Variants in MTOR observed in about 807,000 individuals in gnomAD.
MTOR encodes mechanistic target of rapamycin kinase, also known as serine/threonine-protein kinase mTOR.
Under a neutral mutation model 319.8 loss-of-function variants are expected in MTOR, and 70 were observed. The ratio of observed to expected loss-of-function variants is 0.22; its 90% CI spans 0.18 to 0.27. The LOEUF (loss-of-function observed/expected upper bound fraction) is 0.27. MTOR is among the 10% of genes least tolerant of loss of function. The probability of loss-of-function intolerance (pLI) is 1.00; values close to 1 mark genes in which losing one functional copy is unlikely to be tolerated. For missense variants in MTOR, 1,890 were observed against 3,274.4 expected (o/e 0.58, Z 10.32); for synonymous variants, 1,183 against 1,211.4 (o/e 0.98, Z 0.49).
chr1:11,115,344 G>A lies in MTOR; in HGVS notation c.7089+52C>T. The A allele has an allele frequency of 6.4e-7, 1 of 1,574,194 alleles. No individual in the cohort carries two copies. Among genetic ancestry groups the A allele is most frequent in the Non-Finnish European group, 8.7e-7 (1 of 1,143,880 alleles). ...TCTGCCTACAGTGTCAGAGGAGGGG[G>A]AAAAGTGATCACCCGGGAAGATGAG... is the stretch of plus-strand genomic sequence containing the variant. On this transcript the variant is annotated intron_variant, in intron 51 of 57. Transcript: ENST00000361445. This position sits in a 1 kb window ranked among gnomAD's most constrained non-coding sequence, Gnocchi z 4.5.
At chr1:11,159,215 G>A (rs1644401665) in intron 29 of MTOR, among the ~76,000 whole-genome samples, 2 of 152,292 alleles carry the variant, frequency 1.3e-5, no homozygotes, top group African/African-American at 4.8e-5. Context: ...CTTGATCTAG[G>A]TGGAGTACAT....
chr1:11,165,433 A>T (rs1404763133), intron 29 of MTOR, among the ~76,000 whole-genome samples: 1 of 152,174 alleles, frequency 6.6e-6, no homozygotes, highest in Non-Finnish European at 1.5e-5. Context: ...AATCACAAGC[A>T]TTCTTATACA....
At position 11,107,001 on chromosome 1, in the gene MTOR, T is replaced by C; in HGVS notation, c.*484A>G. The C allele has an allele frequency of 7.3e-7, 1 of 1,370,846 alleles. No homozygotes were observed. Among genetic ancestry groups the C allele is most frequent in the Non-Finnish European group, 9.6e-7 (1 of 1,038,946 alleles). 84.9% of individuals were successfully genotyped at this position (1,370,846 alleles called of 1,614,324 possible). A position where few individuals can be genotyped will look rare whatever the true frequency, so the allele number is the denominator to read the frequency against. On this transcript the variant is annotated 3_prime_UTR_variant, in exon 58 of 58. Transcript: ENST00000361445. ...TCCACAGACCAGTGAGGTCTTGGGA[T>C]AGGTGGCAGGGGTGAGGTCAGCATC...
chr1:11,247,487 A>T, intron 8 of MTOR, 138 bp downstream of exon 8: 1 of 719,734 alleles, frequency 1.4e-6, no homozygotes, highest in South Asian at 1.8e-5. Context: ...ACTAAATAGC[A>T]TTGAAATTGG....
chr1:11,243,578 C>T (rs1467662919), intron 8 of MTOR, among the ~76,000 whole-genome samples: 1 of 151,400 alleles, frequency 6.6e-6, no homozygotes, highest in East Asian at 2.0e-4. Context: ...ATCCCAGCTA[C>T]TCGGGAGGCT....
rs1175108508 is a variant in MTOR, at chr1:11,261,450, C to T, written c.-15+995G>A. Among the ~76,000 whole-genome samples the T allele has an allele frequency of 2.6e-5, 4 of 151,776 alleles. 1 individual carries two copies. Among genetic ancestry groups the T allele is most frequent in the Non-Finnish European group, 4.4e-5 (3 of 67,958 alleles). ...TCGAGCCACTGCACTCCAGCCTGGGCGACAGAGCGAAACTCCGTCTCAAAA... is the reference window on the plus strand; with the variant it reads ...TCGAGCCACTGCACTCCAGCCTGGGTGACAGAGCGAAACTCCGTCTCAAAA... On this transcript the variant is annotated intron_variant, in intron 1 of 57. Coordinates refer to ENST00000361445, the MANE Select transcript of MTOR (RefSeq NM_004958.4).
intron 6 of MTOR, among the ~76,000 whole-genome samples, chr1:11,253,363 G>A (rs190423878): frequency 2.6e-5 from 4 of 152,000 alleles, no homozygotes; most frequent in East Asian, 1.9e-4. Context: ...CACATTATTC[G>A]CCTGTGTGCA....
intron 28 of MTOR, among the ~76,000 whole-genome samples, chr1:11,182,920 C>T (rs1371065195): frequency 2.6e-4 from 39 of 152,156 alleles, no homozygotes; most frequent in Admixed American, 2.6e-3. Context: ...GGGTAGTACG[C>T]GGACACTCTT....
chr1:11,192,496 C>G, intron 28 of MTOR: 1 of 754,030 alleles, frequency 1.3e-6, no homozygotes, highest in South Asian at 1.7e-5. Context: ...TGGCTCACAC[C>G]TGTAATCCCA....
intron 56 of MTOR, among the ~76,000 whole-genome samples, chr1:11,108,571 A>C (rs1029028332): frequency 1.3e-5 from 2 of 151,590 alleles, no homozygotes; most frequent in Non-Finnish European, 1.5e-5. Flanking sequence ...AAATTAGCCG[A>C]GTGTGGTGGC....
chr1:11,146,893 G>A, intron 31 of MTOR, 102 bp from the exon 32 acceptor site: 2 of 800,574 alleles, frequency 2.5e-6, no homozygotes, highest in Admixed American at 2.1e-5. Context: ...CCTTTAGCTT[G>A]GGATATAAAC....
intron 10 of MTOR, among the ~76,000 whole-genome samples, chr1:11,240,814 G>A (rs960618533): frequency 6.6e-6 from 1 of 152,074 alleles, no homozygotes; most frequent in African/African-American, 2.4e-5. Context: ...AAACACTCTG[G>A]GAAGCAGATT....
intron 1 of MTOR, among the ~76,000 whole-genome samples, chr1:11,261,608 C>T (rs12125777): frequency 0.052 from 7,909 of 152,140 alleles, 278 homozygotes; most frequent in South Asian, 0.12. Flanking sequence ...TCTCAAAATT[C>T]TTATTTTTGA....
At chr1:11,108,719 AAAAAAAAAAAAGAAAAGAAAAAAAG>A (rs1279285846) in intron 56 of MTOR, among the ~76,000 whole-genome samples, 1 of 148,986 alleles carries the variant, frequency 6.7e-6, no homozygotes, top group Non-Finnish European at 1.5e-5. Context: ...TCTCAAAAAA[AAAAAAAAAAAAGAAAAGAAAAAAAG>A]AAAAATTCGG....
intron 28 of MTOR, among the ~76,000 whole-genome samples, chr1:11,171,528 G>A (rs1644813790): frequency 6.6e-6 from 1 of 151,904 alleles, no homozygotes; most frequent in African/African-American, 2.4e-5. Context: ...ACAAATACAA[G>A]TCTTTTCCTA....
intron 25 of MTOR, among the ~76,000 whole-genome samples, chr1:11,205,532 A>G (rs1646109474): frequency 6.6e-6 from 1 of 152,230 alleles, no homozygotes; most frequent in South Asian, 2.1e-4. Flanking sequence ...GCACAAAGTT[A>G]GTACTATTTG....
At chr1:11,209,012 G>A (rs1035645092) in intron 25 of MTOR, among the ~76,000 whole-genome samples, 1 of 152,172 alleles carries the variant, frequency 6.6e-6, no homozygotes, top group Admixed American at 6.5e-5. Context: ...CAACTAGGGG[G>A]CTCACTAGCT....
chr1:11,135,805 C>G (rs573687769), intron 36 of MTOR, among the ~76,000 whole-genome samples: 4 of 149,816 alleles, frequency 2.7e-5, no homozygotes, highest in Admixed American at 6.7e-5. Context: ...TGCATTCCAA[C>G]CTGGGCAACA....
At chr1:11,145,157 G>T (rs1643891069) in intron 32 of MTOR, 112 bp from the exon 33 acceptor site, 1 of 917,140 alleles carries the variant, frequency 1.1e-6, no homozygotes, top group South Asian at 1.5e-5. Flanking sequence ...TTCCAGGGAT[G>T]AAAAGAGAAA....
Sources: allele counts gnomAD v4.1 joint callset (sites outside exome capture counted in the v4.1 genomes callset), GRCh38; gene constraint gnomAD v4.1.1; non-coding constraint Gnocchi (gnomAD v3.1); transcripts MANE v1.5; gene names NCBI Gene and HGNC (gene_info 2026-07-23, HGNC 2026-07-21).